Variants in KCNH7 observed in about 807,000 individuals in gnomAD.
KCNH7 encodes the protein voltage-gated inwardly rectifying potassium channel KCNH7.
A neutral mutation model predicts 120.8 loss-of-function variants in KCNH7; 49 were observed. That is an observed-to-expected ratio of 0.41 (90% confidence interval 0.32 to 0.51). The LOEUF (loss-of-function observed/expected upper bound fraction) is 0.51, where lower values mean the gene tolerates loss of function less well. KCNH7 is among the 20% of genes least tolerant of loss of function. The probability of loss-of-function intolerance (pLI) is 0.38; values close to 1 mark genes in which losing one functional copy is unlikely to be tolerated. For missense variants in KCNH7, 1,097 were observed against 1,446.6 expected, an observed-to-expected ratio of 0.76 and a Z score of 3.92; for synonymous variants, 547 against 516.1, an observed-to-expected ratio of 1.06 and a Z score of -0.81.
At chr2:162,690,902 G>T (rs912114978) in intron 2 of KCNH7, among the ~76,000 whole-genome samples, 5 of 152,134 alleles carry the variant, frequency 3.3e-5, no homozygotes, top group African/African-American at 1.2e-4. Context: ...TTCTTGGTCA[G>T]ATCCCTGCAT....
At chr2:162,719,911 G>C (rs573112686) in intron 2 of KCNH7, among the ~76,000 whole-genome samples, 9 of 152,000 alleles carry the variant, frequency 5.9e-5, no homozygotes, top group Non-Finnish European at 1.2e-4. Context: ...CTCTTCATTT[G>C]TGGTTATGTT....
chr2:162,642,724 T>G (rs1684208977), intron 2 of KCNH7, among the ~76,000 whole-genome samples: 1 of 152,202 alleles, frequency 6.6e-6, no homozygotes, highest in African/African-American at 2.4e-5. Flanking sequence ...GCCACAGACG[T>G]GCTTTAGGGC....
At chr2:162,472,524 CA>C (rs1689580456) in intron 6 of KCNH7, among the ~76,000 whole-genome samples, 1 of 152,134 alleles carries the variant, frequency 6.6e-6, no homozygotes, top group South Asian at 2.1e-4. Context: ...AAATGCAAAT[CA>C]AAACCACAAT....
chr2:162,755,231 G>A (rs1288219490), intron 2 of KCNH7, among the ~76,000 whole-genome samples: 1 of 152,100 alleles, frequency 6.6e-6, no homozygotes, highest in Non-Finnish European at 1.5e-5. Context: ...ACTTTGGGAG[G>A]CCAAGGCAGG....
At chr2:162,714,479 C>T (rs537140881) in intron 2 of KCNH7, among the ~76,000 whole-genome samples, 1 of 152,310 alleles carries the variant, frequency 6.6e-6, no homozygotes, top group African/African-American at 2.4e-5. Flanking sequence ...CATGTAATAG[C>T]AGTCCTAACC....
chr2:162,466,409 G>A (rs1689306007), intron 6 of KCNH7, among the ~76,000 whole-genome samples: 1 of 152,122 alleles, frequency 6.6e-6, no homozygotes. Context: ...TCTACACATG[G>A]CGGCAGGACG....
At chr2:162,582,721 CA>C (rs1693916871) in intron 2 of KCNH7, among the ~76,000 whole-genome samples, 2 of 152,194 alleles carry the variant, frequency 1.3e-5, no homozygotes, top group Admixed American at 1.3e-4. Flanking sequence ...CAAGTGACAA[CA>C]AAACTGTTCA....
intron 6 of KCNH7, among the ~76,000 whole-genome samples, chr2:162,447,582 C>G (rs1688624909): frequency 6.6e-6 from 1 of 152,066 alleles, no homozygotes; most frequent in African/African-American, 2.4e-5. Flanking sequence ...GAGTACATTT[C>G]CATAGACTAG....
chr2:162,761,914 AT>A (rs772819007), intron 2 of KCNH7, among the ~76,000 whole-genome samples: 1 of 151,998 alleles, frequency 6.6e-6, no homozygotes, highest in East Asian at 1.9e-4. Context: ...GATATTTCCT[AT>A]TCTCCTAATA....
At chr2:162,570,579 T>A (rs1693433573) in intron 2 of KCNH7, among the ~76,000 whole-genome samples, 1 of 152,076 alleles carries the variant, frequency 6.6e-6, no homozygotes, top group Non-Finnish European at 1.5e-5. Flanking sequence ...CATTATGATG[T>A]TAGCTGGTTA....
intron 2 of KCNH7, among the ~76,000 whole-genome samples, chr2:162,690,926 A>T (rs1335257996): frequency 6.6e-6 from 1 of 152,174 alleles, no homozygotes; most frequent in Admixed American, 6.6e-5. Flanking sequence ...TATTAGGTAA[A>T]TATCAGGTCA....
In KCNH7 at chr2:162,446,068, C is replaced by A. The variant is rs1345531758; in HGVS notation, c.1504G>T (p.Val502Phe). 1 of 1,613,862 alleles carries A rather than the reference C, an allele frequency of 6.2e-7. No homozygotes were observed. Among genetic ancestry groups the A allele is most frequent in the South Asian group, 1.1e-5 (1 of 91,056 alleles). The change falls in exon 7 of 16, where the codon GTT (valine) becomes TTT (phenylalanine). Residue 502 changes from valine to phenylalanine, a missense_variant. Around this residue, in one of 8 missense-constraint regions of KCNH7, gnomAD observed 109 missense variants for 196.8 expected, o/e 0.55. Transcript: ENST00000332142. The part of the protein sequence containing the change: ...YFKGWFLIDM[V>F]AAIPFDLLIF... The stretch of plus-strand genomic sequence containing the variant: ...AGCAAGTCAAAAGGAATTGCTGCAA[C>A]CATGTCAATCAGGAACCAGCCTTTG...
At chr2:162,604,909 T>C (rs1694680369) in intron 2 of KCNH7, among the ~76,000 whole-genome samples, 1 of 152,156 alleles carries the variant, frequency 6.6e-6, no homozygotes, top group African/African-American at 2.4e-5. Context: ...AAACTGGATT[T>C]TTTAGTATAC....
In KCNH7 at chr2:162,606,579, T is replaced by C. The variant is rs16846981; in HGVS notation, c.308-69499A>G. Among the ~76,000 whole-genome samples, 1,057 of 152,256 alleles carry C rather than the reference T, an allele frequency of 6.9e-3. 4 individuals carry two copies. The highest frequency in any genetic ancestry group is 1.0e-2 in the Non-Finnish European group (679 of 67,998). Reference sequence around the variant, plus strand: ...AATAAGGGATAGTTAATAGAAGCAATACAAATGGCTTATAAATGTGAAAAT... The same window carrying C: ...AATAAGGGATAGTTAATAGAAGCAACACAAATGGCTTATAAATGTGAAAAT... On this transcript the variant is annotated intron_variant, in intron 2 of 15. Transcript: ENST00000332142.
At chr2:162,624,710 T>C (rs1683485741) in intron 2 of KCNH7, among the ~76,000 whole-genome samples, 1 of 151,980 alleles carries the variant, frequency 6.6e-6, no homozygotes, top group African/African-American at 2.4e-5. Flanking sequence ...ATGAGAAACT[T>C]TAATCATTTT....
chr2:162,623,759 C>A (rs918456317), intron 2 of KCNH7, among the ~76,000 whole-genome samples: 5 of 152,104 alleles, frequency 3.3e-5, no homozygotes, highest in East Asian at 1.9e-4. Flanking sequence ...TTGTAAAATT[C>A]TTTGAGCAGT....
intron 2 of KCNH7, among the ~76,000 whole-genome samples, chr2:162,602,740 CT>C (rs1694598677): frequency 6.6e-6 from 1 of 151,582 alleles, no homozygotes; most frequent in Non-Finnish European, 1.5e-5. Context: ...TTATATTGAA[CT>C]GTGGTTTTGT....
intron 2 of KCNH7, among the ~76,000 whole-genome samples, chr2:162,780,353 G>A (rs1683428320): frequency 1.3e-5 from 2 of 152,014 alleles, no homozygotes; most frequent in Non-Finnish European, 2.9e-5. Context: ...CTGCATGATT[G>A]TGTCATTTAT....
Position 162,542,163 on chromosome 2 carries a change from T to C in KCNH7, c.308-5083A>G, listed in dbSNP as rs181134415. Among the ~76,000 whole-genome samples the C allele has an allele frequency of 4.0e-4, 61 of 152,044 alleles. No homozygotes were observed. In the East Asian group the frequency reaches 0.01, roughly 26 times the overall value. On this transcript the variant is annotated intron_variant, in intron 2 of 15. Transcript: ENST00000332142. Reference sequence around the variant, plus strand: ...GAAAGACTATTCTATATCTCTCTTTTTTTTTTTACTATTTACTTAGGTTTT... The same window carrying C: ...GAAAGACTATTCTATATCTCTCTTTCTTTTTTTACTATTTACTTAGGTTTT...
Sources: allele counts gnomAD v4.1 joint callset (sites outside exome capture counted in the v4.1 genomes callset), GRCh38; gene constraint gnomAD v4.1.1; regional missense constraint gnomAD v4.1.1; transcripts MANE v1.5; gene names NCBI Gene and HGNC (gene_info 2026-07-23, HGNC 2026-07-21).